KMT2B: variants seen among roughly 807,000 people sequenced by gnomAD.
KMT2B encodes lysine methyltransferase 2B, also known as histone-lysine N-methyltransferase 2B.
A neutral mutation model predicts 255.3 loss-of-function variants in KMT2B; 22 were observed. That is an observed-to-expected ratio of 0.09 (90% CI 0.06 to 0.12). The LOEUF (loss-of-function observed/expected upper bound fraction) is 0.12. Among genes scored for constraint, KMT2B ranks in the 10% least tolerant of loss-of-function variants. The pLI, the probability that KMT2B is intolerant of heterozygous loss-of-function variation, is 1.00. For synonymous variants in KMT2B, 1,730 were observed against 1,498.1 expected, an observed-to-expected ratio of 1.15 and a Z score of -3.57; for missense variants, 3,149 against 3,737.0, an observed-to-expected ratio of 0.84 and a Z score of 4.10.
Position 35,727,379 on chromosome 19 carries a change from T to C in KMT2B, c.4118-59T>C. 1.9e-6 allele frequency: 3 copies of C among 1,599,264 alleles called. No homozygotes were observed. The highest frequency in any genetic ancestry group is 2.2e-5 in the South Asian group (2 of 90,798). On this transcript the variant is annotated intron_variant, in intron 15 of 36. Coordinates refer to ENST00000420124, the MANE Select transcript of KMT2B (RefSeq NM_014727.3). The surrounding 1 kb of genome is among the most constrained non-coding windows in gnomAD (Gnocchi z 4.2). ...TAAGGGTCCTTGCTGGCCTAGGGGCTGCTGGGAGCCCTCACATCCTCTGAA... is the reference window on the plus strand; with the variant it reads ...TAAGGGTCCTTGCTGGCCTAGGGGCCGCTGGGAGCCCTCACATCCTCTGAA...
At chr19:35,726,153 C>A in intron 13 of KMT2B, 83 bp from the exon 14 acceptor site, 2 of 1,016,976 alleles carry the variant, frequency 2.0e-6, no homozygotes, top group Admixed American at 3.9e-5. Flanking sequence ...CCTGCATATC[C>A]CCAATTCCTC....
chr19:35,729,140 C>T lies in KMT2B; in HGVS notation c.4780-19C>T. 2.5e-6 allele frequency: 4 copies of T among 1,613,882 alleles called. No homozygotes were observed. Among genetic ancestry groups the T allele is most frequent in the Non-Finnish European group, 3.4e-6 (4 of 1,179,804 alleles). ...GTTCCCTGGCCTCCCCACATCATGC[C>T]ACTCCTCTTCTGCCCCAGGAGGCGG... On this transcript the variant is annotated intron_variant, in intron 21 of 36. Coordinates refer to ENST00000420124, the MANE Select transcript of KMT2B (RefSeq NM_014727.3).
chr19:35,723,434 C>A lies in KMT2B; in HGVS notation c.3003-13C>A. ...AGTCCCCTACCCTGGTGACGTGCTG[C>A]TCCCCTCCCCAGATACCGGAAGTGT... On this transcript the variant is annotated splice_polypyrimidine_tract_variant and intron_variant, in intron 6 of 36. Transcript: ENST00000420124. This position sits in a 1 kb window ranked among gnomAD's most constrained non-coding sequence, Gnocchi z 7.5. 1 of 1,572,450 alleles carries A rather than the reference C, an allele frequency of 6.4e-7. No homozygotes were observed. Among genetic ancestry groups the A allele is most frequent in the Non-Finnish European group, 8.6e-7 (1 of 1,159,312 alleles).
intron 14 of KMT2B, 80 bp downstream of exon 14, chr19:35,726,433 C>T (rs1969449218): frequency 1.1e-6 from 1 of 928,426 alleles, no homozygotes; most frequent in South Asian, 1.3e-5. Context: ...AGCACAGACC[C>T]TCTTTTCTCA....
Position 35,737,575 on chromosome 19 carries a change from C to G in KMT2B, c.7551-61C>G. On this transcript the variant is annotated intron_variant, in intron 33 of 36. Transcript: ENST00000420124. The surrounding 1 kb of genome is among the most constrained non-coding windows in gnomAD (Gnocchi z 5.3). The stretch of plus-strand genomic sequence containing the variant: ...TGACATCAGAAAAATGAACCCCACC[C>G]ATTTCCCTGTTAGCTCTGTCTTCAA... 4 of 1,101,510 alleles carry G rather than the reference C, an allele frequency of 3.6e-6. No homozygotes were observed. Among genetic ancestry groups the G allele is most frequent in the Non-Finnish European group, 3.9e-6 (3 of 766,890 alleles). 68.2% of individuals were successfully genotyped at this position (1,101,510 alleles called of 1,614,324 possible).
At chr19:35,729,870 C>A in intron 22 of KMT2B, 97 bp from the exon 23 acceptor site, 3 of 1,262,254 alleles carry the variant, frequency 2.4e-6, no homozygotes, top group Non-Finnish European at 2.2e-6. Context: ...CTTTGCCGTG[C>A]CAGGCTAGAC....
At position 35,732,736 on chromosome 19, in the gene KMT2B, G is replaced by A; in HGVS notation, c.6187G>A (p.Gly2063Ser). 2 of 1,610,608 alleles carry A rather than the reference G, an allele frequency of 1.2e-6. No individual in the cohort carries two copies. Among genetic ancestry groups the A allele is most frequent in the East Asian group, 2.2e-5 (1 of 44,752 alleles). The change falls in exon 28 of 37, where the codon GGC becomes AGC. Residue 2063 changes from glycine (G) to serine (S), a missense_variant. Around this residue, in one of 18 missense-constraint regions of KMT2B, gnomAD observed 897 missense variants for 825.3 expected, o/e 1.09. Transcript: ENST00000420124. Reference protein sequence around the residue: ...PGAPRIEQLDGVDDGTDSEAE... With the variant: ...PGAPRIEQLDSVDDGTDSEAE... ...AGCCCCCCGCATTGAACAGCTGGAC[G>A]GCGTGGACGACGGCACTGACAGTGA...
chr19:35,721,638 C>T lies in KMT2B; in HGVS notation c.2291C>T (p.Pro764Leu), dbSNP rs144673174. 3.1e-5 allele frequency: 50 copies of T among 1,611,168 alleles called. No homozygotes were observed. The highest frequency in any genetic ancestry group is 6.7e-5 in the East Asian group (3 of 44,870). The change falls in exon 3 of 37, where the codon CCG becomes CTG. Residue 764 changes from proline (P) to leucine (L), a missense_variant. Pro to Leu is a moderately conservative substitution (Grantham distance 98). Around this residue, in one of 18 missense-constraint regions of KMT2B, gnomAD observed 1,188 missense variants for 1,106.4 expected, o/e 1.07. Coordinates refer to ENST00000420124, the MANE Select transcript of KMT2B (RefSeq NM_014727.3). Reference sequence around the variant, plus strand: ...CCACAGCCACAGCTGCAGCCACCGCCGTCACCACAGCAGATGCCTCCCCTG... The same window carrying T: ...CCACAGCCACAGCTGCAGCCACCGCTGTCACCACAGCAGATGCCTCCCCTG... ...PPPQPQLQPP[P>L]SPQQMPPLEK...
Position 35,726,228 on chromosome 19 carries a change from TC to T in KMT2B, c.3886-3del. The stretch of plus-strand genomic sequence containing the variant: ...TGGTTTTCCCCTAACATCGCCCTGC[TC>T]CCCCAGATCTGTTCAGCCTGTGTGC... On this transcript the variant is annotated splice_region_variant and splice_polypyrimidine_tract_variant and intron_variant, in intron 13 of 36. Coordinates refer to ENST00000420124, the MANE Select transcript of KMT2B (RefSeq NM_014727.3). 6.2e-7 allele frequency: 1 copy of T among 1,609,754 alleles called. No individual in the cohort carries two copies. The highest frequency in any genetic ancestry group is 8.5e-7 in the Non-Finnish European group (1 of 1,176,472).
Position 35,732,767 on chromosome 19 carries a change from A to C in KMT2B, c.6218A>C (p.Glu2073Ala). 1 of 1,609,332 alleles carries C rather than the reference A, an allele frequency of 6.2e-7. No homozygotes were observed. The highest frequency in any genetic ancestry group is 2.2e-5 in the East Asian group (1 of 44,706). The change falls in exon 28 of 37, where the codon GAG becomes GCG. Residue 2073 changes from glutamate (E) to alanine (A), a missense_variant. By Grantham distance (107) the Glu-to-Ala change is moderately radical. Around this residue, in one of 18 missense-constraint regions of KMT2B, gnomAD observed 897 missense variants for 825.3 expected, o/e 1.09. Transcript: ENST00000420124. ...GACGACGGCACTGACAGTGAGGCTG[A>C]GGCGGTGCAGCAGCCTCGGGGCCAG... The part of the protein sequence containing the change: ...GVDDGTDSEA[E>A]AVQQPRGQGT...
Position 35,718,616 on chromosome 19 carries a change from T to G in KMT2B, c.363+235T>G, listed in dbSNP as rs1463825012. ...GCGCCCGATGTCGGTCCCGCTGAAG[T>G]GTCTTGGGCCGATCCTTTTCGGCAG... is the stretch of plus-strand genomic sequence containing the variant. On this transcript the variant is annotated intron_variant, in intron 1 of 36. Transcript: ENST00000420124. This position sits in a 1 kb window ranked among gnomAD's most constrained non-coding sequence, Gnocchi z 5.0. Among the ~76,000 whole-genome samples the G allele has an allele frequency of 6.6e-6, 1 of 152,142 alleles. No homozygotes were observed. The highest frequency in any genetic ancestry group is 1.5e-5 in the Non-Finnish European group (1 of 68,006).
At chr19:35,728,331 A>G (rs367766885) in intron 19 of KMT2B, among the ~76,000 whole-genome samples, 160 bp downstream of exon 19, 10 of 152,204 alleles carry the variant, frequency 6.6e-5, no homozygotes, top group African/African-American at 1.9e-4. Context: ...TGGTGGTTCT[A>G]GACTAGCAAA....
Position 35,733,303 on chromosome 19 carries a change from GCCCCGCCCCCGCCACCCCCTC to G in KMT2B, c.6758_6778del (p.Pro2253_Pro2259del). 7.5e-7 allele frequency: 1 copy of G among 1,340,096 alleles called. No homozygotes were observed. Among genetic ancestry groups the G allele is most frequent in the Non-Finnish European group, 1.0e-6 (1 of 961,262 alleles). 83.0% of individuals were successfully genotyped at this position (1,340,096 alleles called of 1,614,324 possible). On this transcript the variant is annotated inframe_deletion, in exon 28 of 37. Coordinates refer to ENST00000420124, the MANE Select transcript of KMT2B (RefSeq NM_014727.3). This position sits in a 1 kb window ranked among gnomAD's most constrained non-coding sequence, Gnocchi z 4.3. ...GCCCGTGGTCGGAGTGGTCCGCCCT[GCCCCGCCCCCGCCACCCCCTC>G]CCCTGACGCTGGTGCTGAGCAGTGG...
chr19:35,722,596 G>A lies in KMT2B; in HGVS notation c.2600G>A (p.Arg867His). 1.9e-6 allele frequency: 3 copies of A among 1,610,060 alleles called. No homozygotes were observed. The highest frequency in any genetic ancestry group is 2.2e-5 in the East Asian group (1 of 44,750). The change falls in exon 5 of 37, where the codon CGC (arginine) becomes CAC (histidine). Residue 867 changes from arginine to histidine, a missense_variant. By Grantham distance (29) the Arg-to-His change is conservative. Transcript: ENST00000420124. The part of the protein sequence containing the change: ...SGPESPVQGP[R>H]IKHVCRHAAV... ...CCCGAGTCCCCTGTGCAAGGTCCCCGCATCAAACATGTCTGCCGTCATGCT... is the reference window on the plus strand; with the variant it reads ...CCCGAGTCCCCTGTGCAAGGTCCCCACATCAAACATGTCTGCCGTCATGCT...
chr19:35,730,503 T>C, intron 24 of KMT2B, 35 bp from the exon 25 acceptor site: 1 of 1,614,032 alleles, frequency 6.2e-7, no homozygotes, highest in Non-Finnish European at 8.5e-7. Context: ...TACCCTGTCC[T>C]GCCTGCCTCT....
chr19:35,721,875 T>C (rs1468865107), intron 3 of KMT2B, 71 bp downstream of exon 3: 1 of 1,453,856 alleles, frequency 6.9e-7, no homozygotes, highest in African/African-American at 1.4e-5. Context: ...CCCCTAACCT[T>C]CCGCCTCCTT....
At position 35,727,942 on chromosome 19, in the gene KMT2B, C is replaced by A; in HGVS notation, c.4454C>A (p.Pro1485Gln). Reference sequence around the variant, plus strand: ...CGGCACTCGGAGGAGGGAGAGACCCCGGACCGCCGGGCTGGAGGCCAGATG... The same window carrying A: ...CGGCACTCGGAGGAGGGAGAGACCCAGGACCGCCGGGCTGGAGGCCAGATG... ...LMRHSEEGET[P>Q]DRRAGGQMKG... The change falls in exon 18 of 37, where the codon CCG (proline) becomes CAG (glutamine). Residue 1485 changes from proline (P) to glutamine (Q), a missense_variant. Around this residue, in one of 18 missense-constraint regions of KMT2B, gnomAD observed 377 missense variants for 471.0 expected, o/e 0.80. Coordinates refer to ENST00000420124, the MANE Select transcript of KMT2B (RefSeq NM_014727.3). The surrounding 1 kb of genome is among the most constrained non-coding windows in gnomAD (Gnocchi z 4.2). 6.3e-7 allele frequency: 1 copy of A among 1,590,610 alleles called. No homozygotes were observed. Among genetic ancestry groups the A allele is most frequent in the South Asian group, 1.1e-5 (1 of 88,274 alleles).
chr19:35,723,634 C>A lies in KMT2B; in HGVS notation c.3059-98C>A. Reference sequence around the variant, plus strand: ...TTCTCCGTTGTGTGCTTTCATAGCTCCTGCGTTCATTCCCTGCCCCGCTTC... The same window carrying A: ...TTCTCCGTTGTGTGCTTTCATAGCTACTGCGTTCATTCCCTGCCCCGCTTC... On this transcript the variant is annotated intron_variant, in intron 7 of 36. Transcript: ENST00000420124. This position sits in a 1 kb window ranked among gnomAD's most constrained non-coding sequence, Gnocchi z 7.5. The A allele has an allele frequency of 7.7e-7, 1 of 1,305,654 alleles. No homozygotes were observed. The highest frequency in any genetic ancestry group is 1.0e-6 in the Non-Finnish European group (1 of 956,542). 80.9% of individuals were successfully genotyped at this position (1,305,654 alleles called of 1,614,324 possible). A position where few individuals can be genotyped will look rare whatever the true frequency, so the allele number is the denominator to read the frequency against.
At chr19:35,731,553 G>T (rs1021805294) in intron 26 of KMT2B, among the ~76,000 whole-genome samples, 2 of 152,174 alleles carry the variant, frequency 1.3e-5, no homozygotes, top group Non-Finnish European at 2.9e-5. Context: ...CCTCCGGGCC[G>T]GGGCGGGCGG....
Sources: gnomAD v4.1 joint callset for allele counts (sites outside exome capture counted in the v4.1 genomes callset) on GRCh38, gnomAD v4.1.1 for gene constraint, gnomAD v4.1.1 regional missense constraint, Gnocchi (gnomAD v3.1) non-coding constraint, MANE v1.5 for transcripts, NCBI Gene and HGNC (gene_info 2026-07-23, HGNC 2026-07-21) for gene names.